Variants in MYT1L observed in about 807,000 individuals in gnomAD.
The protein encoded by MYT1L is myelin transcription factor 1 like, also known as myelin transcription factor 1-like protein.
Under a neutral mutation model 126.7 loss-of-function variants are expected in MYT1L, and 12 were observed. That is an observed-to-expected ratio of 0.09 (90% CI 0.06 to 0.15). The LOEUF is 0.15. Among genes scored for constraint, MYT1L ranks in the 10% least tolerant of loss-of-function variants. The probability of loss-of-function intolerance (pLI) is 1.00; values close to 1 mark genes in which losing one functional copy is unlikely to be tolerated. For missense variants in MYT1L, 979 were observed against 1,585.2 expected (o/e 0.62, Z 6.49); for synonymous variants, 541 against 604.2 (o/e 0.90, Z 1.53).
chr2:1,903,237 G>T lies in MYT1L; in HGVS notation c.1875C>A (p.Val625=). The T allele has an allele frequency of 6.2e-7, 1 of 1,613,950 alleles. No homozygotes were observed. The highest frequency in any genetic ancestry group is 1.1e-5 in the South Asian group (1 of 91,072). The change falls in exon 14 of 25, where the codon GTC becomes GTA. Residue 625 remains valine (V), a synonymous_variant. Transcript: ENST00000647738. ...GGTTGGAACGCGGCGTAGTTGTGGG[G>T]ACATTGTTTCTGTAGCCATACTGAG... ...EIPQYGYRNN[V]PTTTPRSNLA...
chr2:1,934,727 TAC>T (rs56320658), intron 9 of MYT1L, among the ~76,000 whole-genome samples: 10,415 of 137,982 alleles, frequency 0.075, 398 homozygotes, highest in African/African-American at 0.11. Flanking sequence ...CTCTGTCATG[TAC>T]ACACACACAC....
rs140059876 is a variant in MYT1L, at chr2:2,072,118, C to T, written c.-303-17995G>A. 1.8e-3 allele frequency among the ~76,000 whole-genome samples: 275 copies of T among 152,218 alleles called. 1 individual carries two copies. Among genetic ancestry groups the T allele is most frequent in the Non-Finnish European group, 2.7e-3 (182 of 68,006 alleles). On this transcript the variant is annotated intron_variant, in intron 3 of 24. Coordinates refer to ENST00000647738, the MANE Select transcript of MYT1L (RefSeq NM_001303052.2). ...AGAGGAGCCCAATGATTCAAATGAC[C>T]CCGTCTTTGAAAGCCGCTCTCTGCT... is the stretch of plus-strand genomic sequence containing the variant.
rs141914912 is a variant in MYT1L, at chr2:2,155,313, G to A, written c.-304+17559C>T. 2.5e-4 allele frequency among the ~76,000 whole-genome samples: 38 copies of A among 152,286 alleles called. No individual in the cohort carries two copies. In the East Asian group the frequency reaches 5.4e-3, roughly 22 times the overall value. On this transcript the variant is annotated intron_variant, in intron 3 of 24. Transcript: ENST00000647738. The stretch of plus-strand genomic sequence containing the variant: ...CCTGGATAGCACAGATGGGACTCAG[G>A]GAAACGAGAGCAAAGCCTCTGCCTT...
At chr2:2,090,356 G>C (rs1334338707) in intron 3 of MYT1L, among the ~76,000 whole-genome samples, 1 of 152,190 alleles carries the variant, frequency 6.6e-6, no homozygotes, top group Non-Finnish European at 1.5e-5. Flanking sequence ...TTCCAAAAAA[G>C]TGCATATAAA....
chr2:2,053,807 T>C (rs997860793), intron 4 of MYT1L, among the ~76,000 whole-genome samples, 171 bp downstream of exon 4: 1 of 152,226 alleles, frequency 6.6e-6, no homozygotes, highest in African/African-American at 2.4e-5. Context: ...TGACTTTATA[T>C]TGAATTGTTT....
intron 22 of MYT1L, among the ~76,000 whole-genome samples, chr2:1,802,263 G>A (rs896467284): frequency 2.6e-5 from 4 of 152,078 alleles, no homozygotes; most frequent in South Asian, 2.1e-4. Flanking sequence ...AGGTCCTCCC[G>A]CCCTCACTCA....
chr2:1,931,112 C>T (rs2054910429), intron 9 of MYT1L, among the ~76,000 whole-genome samples: 1 of 152,292 alleles, frequency 6.6e-6, no homozygotes, highest in East Asian at 1.9e-4. Context: ...CCTGCTGAGA[C>T]AGCAGTTCAC....
At chr2:1,878,722 C>T (rs1358828217) in intron 18 of MYT1L, among the ~76,000 whole-genome samples, 1 of 152,186 alleles carries the variant, frequency 6.6e-6, no homozygotes, top group Non-Finnish European at 1.5e-5. Context: ...GCATTTCAGG[C>T]TCTCATTTCC....
At chr2:2,170,361 T>A (rs2089844775) in intron 3 of MYT1L, among the ~76,000 whole-genome samples, 1 of 152,222 alleles carries the variant, frequency 6.6e-6, no homozygotes, top group African/African-American at 2.4e-5. Context: ...CCAAATCTGT[T>A]CTCTACTGAT....
intron 3 of MYT1L, among the ~76,000 whole-genome samples, chr2:2,117,699 A>G (rs1040255896): frequency 2.0e-5 from 3 of 152,204 alleles, no homozygotes; most frequent in Non-Finnish European, 2.9e-5. Context: ...ACGGAATAAG[A>G]AAACCATGAC....
chr2:1,970,148 G>A (rs1245999663), intron 8 of MYT1L, among the ~76,000 whole-genome samples: 2 of 152,142 alleles, frequency 1.3e-5, no homozygotes, highest in Non-Finnish European at 2.9e-5. Flanking sequence ...AGGCCAGAGG[G>A]GACAGAAGAA....
chr2:1,891,948 C>G (rs558326623), intron 15 of MYT1L, 89 bp downstream of exon 15: 2 of 1,437,514 alleles, frequency 1.4e-6, no homozygotes, highest in African/African-American at 2.9e-5. Context: ...CATACAGCTG[C>G]CCCGAAAGCG....
At chr2:1,968,744 G>T (rs1449262055) in intron 8 of MYT1L, among the ~76,000 whole-genome samples, 1 of 152,168 alleles carries the variant, frequency 6.6e-6, no homozygotes, top group African/African-American at 2.4e-5. Context: ...TCGCCTTTGT[G>T]GTTGGCTCCT....
At chr2:1,847,328 C>T (rs756510114) in intron 19 of MYT1L, among the ~76,000 whole-genome samples, 7 of 152,166 alleles carry the variant, frequency 4.6e-5, no homozygotes, top group African/African-American at 9.7e-5. Flanking sequence ...ATTCGGGAAC[C>T]GTAGAGGCCA....
intron 2 of MYT1L, among the ~76,000 whole-genome samples, chr2:2,260,564 T>A (rs2094937610): frequency 6.6e-6 from 1 of 152,212 alleles, no homozygotes; most frequent in Admixed American, 6.5e-5. Context: ...GTCATCTGTA[T>A]CCTGCTGGAG....
chr2:2,199,575 G>C (rs2092969212), intron 2 of MYT1L, among the ~76,000 whole-genome samples: 1 of 152,186 alleles, frequency 6.6e-6, no homozygotes, highest in Non-Finnish European at 1.5e-5. Flanking sequence ...CCTCGCATTT[G>C]ATGGCTCACA....
chr2:1,823,769 C>T (rs544842958), intron 21 of MYT1L, among the ~76,000 whole-genome samples: 1 of 152,210 alleles, frequency 6.6e-6, no homozygotes, highest in Non-Finnish European at 1.5e-5. Context: ...TAGGAAGATC[C>T]GTGGCTGGAG....
chr2:2,323,604 A>G (rs1234852334), intron 1 of MYT1L, among the ~76,000 whole-genome samples: 1 of 152,228 alleles, frequency 6.6e-6, no homozygotes, highest in Middle Eastern at 3.2e-3. Flanking sequence ...TATATAAGAA[A>G]TGTGTCACTG....
At chr2:1,827,032 C>A (rs938956086) in intron 21 of MYT1L, 2 of 152,274 alleles carry the variant, frequency 1.3e-5, no homozygotes, top group African/African-American at 4.8e-5. Context: ...GACCCCTCCC[C>A]ATCCTGCAGG....
Sources: gnomAD v4.1 joint callset for allele counts (sites outside exome capture counted in the v4.1 genomes callset) on GRCh38, gnomAD v4.1.1 for gene constraint, MANE v1.5 for transcripts, NCBI Gene and HGNC (gene_info 2026-07-23, HGNC 2026-07-21) for gene names.